LEPR: variants seen among roughly 807,000 people sequenced by gnomAD.
The protein encoded by LEPR is leptin receptor.
LEPR carries 56 observed loss-of-function variants against 114.7 expected under a neutral mutation model. That is an observed-to-expected ratio of 0.49 (90% confidence interval 0.39 to 0.61). The LOEUF (loss-of-function observed/expected upper bound fraction) is 0.61, where lower values mean the gene tolerates loss of function less well. LEPR is among the 20% of genes least tolerant of loss of function. The pLI is 0.00. For synonymous variants in LEPR, 443 were observed against 461.4 expected (o/e 0.96, Z 0.51); for missense variants, 1,202 against 1,352.9 (o/e 0.89, Z 1.75).
At chr1:65,433,123 A>G in intron 2 of LEPR, 9 of 985,286 alleles carry the variant, frequency 9.1e-6, no homozygotes, top group Non-Finnish European at 1.1e-5. Flanking sequence ...ACTCTTTTAC[A>G]TTTCCTTTAT....
chr1:65,550,933 C>T (rs1264599820), intron 2 of LEPR, among the ~76,000 whole-genome samples: 1 of 151,988 alleles, frequency 6.6e-6, no homozygotes, highest in Non-Finnish European at 1.5e-5. Context: ...AGCTGTAGAC[C>T]AGAGCTGTTC....
rs1248259790 is a variant in LEPR at position 65,598,646 on chromosome 1, A to G, written c.850-14A>G. 3.1e-6 allele frequency: 5 copies of G among 1,612,512 alleles called. No homozygotes were observed. Among genetic ancestry groups the G allele is most frequent in the Middle Eastern group, 3.6e-4 (2 of 5,484 alleles). On this transcript the variant is annotated splice_polypyrimidine_tract_variant and intron_variant, in intron 7 of 19. Coordinates refer to ENST00000349533, the MANE Select transcript of LEPR (RefSeq NM_002303.6). ...CAACTTGATGTTCTGATGTTTTAAT[A>G]TAATATTTAACAGGCTGACAAGATT...
intron 2 of LEPR, among the ~76,000 whole-genome samples, chr1:65,551,294 C>G (rs1008888771): frequency 6.6e-6 from 1 of 152,034 alleles, no homozygotes; most frequent in African/African-American, 2.4e-5. Flanking sequence ...GGAATGGTAC[C>G]AGCTCCTCTT....
In LEPR at chr1:65,633,963, T is replaced by A. The variant is rs1203526846; in HGVS notation, c.2674-2228T>A. The stretch of plus-strand genomic sequence containing the variant: ...CTAATCCAGCTTTCTTGTTTAATTA[T>A]GACCTAAATCTAATTTACTTCCACT... On this transcript the variant is annotated intron_variant, in intron 19 of 19. Transcript: ENST00000349533. The surrounding 1 kb of genome is among the most constrained non-coding windows in gnomAD (Gnocchi z 4.1). 5 of 985,298 alleles carry A rather than the reference T, an allele frequency of 5.1e-6. No homozygotes were observed. The East Asian group carries it at 5.7e-4, about 112-fold the overall frequency. The allele number at this position is 985,298 out of a possible 1,614,324, so 61.0% of individuals were successfully genotyped here. A position where few individuals can be genotyped will look rare whatever the true frequency, so the allele number is the denominator to read the frequency against.
rs1405682758 is a variant in LEPR, at chr1:65,601,556, C to T, written c.1159C>T (p.His387Tyr). The change falls in exon 9 of 20, where the codon CAT becomes TAT. Residue 387 changes from histidine (H) to tyrosine (Y), a missense_variant. By Grantham distance (83) the His-to-Tyr change is moderately conservative. Coordinates refer to ENST00000349533, the MANE Select transcript of LEPR (RefSeq NM_002303.6). Reference sequence around the variant, plus strand: ...AAGCCAGTATGATGTTGTGAGTGATCATGTTAGCAAAGTTACTTTTTTCAA... The same window carrying T: ...AAGCCAGTATGATGTTGTGAGTGATTATGTTAGCAAAGTTACTTTTTTCAA... ...PQSQYDVVSDHVSKVTFFNLN... is the reference protein window; with the variant it reads ...PQSQYDVVSDYVSKVTFFNLN... The T allele has an allele frequency of 6.2e-7, 1 of 1,613,634 alleles. No homozygotes were observed. The highest frequency in any genetic ancestry group is 1.3e-5 in the African/African-American group (1 of 74,902).
Position 65,435,734 on chromosome 1 carries a change from G to A in LEPR, c.-21+10356G>A, listed in dbSNP as rs528544358. The A allele has an allele frequency of 1.4e-5, 14 of 985,182 alleles. No individual in the cohort carries two copies. In the South Asian group the frequency reaches 6.1e-4, roughly 43 times the overall value. The allele number at this position is 985,182 out of a possible 1,614,324, so 61.0% of individuals were successfully genotyped here. On this transcript the variant is annotated intron_variant, in intron 2 of 19. Coordinates refer to ENST00000349533, the MANE Select transcript of LEPR (RefSeq NM_002303.6). The stretch of plus-strand genomic sequence containing the variant: ...CCAATAGAACCAAAATATTTATGAG[G>A]ATGCTAGCATTTTCCAAGCATAGTA...
intron 2 of LEPR, among the ~76,000 whole-genome samples, chr1:65,488,193 T>TC (rs1647629596): frequency 4.3e-5 from 1 of 23,050 alleles, no homozygotes; most frequent in Non-Finnish European, 9.7e-5. Context: ...TCTTTCTTTC[T>TC]TTCTTTCTTT....
chr1:65,421,479 C>A (rs1197823670), intron 1 of LEPR: 2 of 1,536,058 alleles, frequency 1.3e-6, no homozygotes, highest in South Asian at 2.4e-5. Context: ...CATTCCATTT[C>A]TAATCTGTCG....
At chr1:65,461,138 C>A (rs908218271) in intron 2 of LEPR, among the ~76,000 whole-genome samples, 4 of 151,456 alleles carry the variant, frequency 2.6e-5, no homozygotes, top group Non-Finnish European at 5.9e-5. Context: ...ACCATGCCTG[C>A]CAAATTTTGT....
chr1:65,424,120 G>A (rs951728625), intron 1 of LEPR, among the ~76,000 whole-genome samples: 3 of 152,112 alleles, frequency 2.0e-5, no homozygotes, highest in Admixed American at 2.0e-4. Flanking sequence ...TCAAGATTTT[G>A]TAACAACCTT....
At chr1:65,501,138 T>G (rs1648430071) in intron 2 of LEPR, among the ~76,000 whole-genome samples, 1 of 152,088 alleles carries the variant, frequency 6.6e-6, no homozygotes, top group Admixed American at 6.6e-5. Flanking sequence ...CTTCTCTTTC[T>G]CAGTCTTCTC....
At chr1:65,554,009 C>T (rs574899750) in intron 2 of LEPR, among the ~76,000 whole-genome samples, 1 of 152,318 alleles carries the variant, frequency 6.6e-6, no homozygotes, top group South Asian at 2.1e-4. Context: ...ACTCCAGACC[C>T]TGTTTGCCTG....
At position 65,602,161 on chromosome 1, in the gene LEPR, A is replaced by G. The variant is rs962470751; in HGVS notation, c.1403+201A>G. 3.9e-5 allele frequency among the ~76,000 whole-genome samples: 6 copies of G among 152,062 alleles called. No homozygotes were observed. The South Asian group carries it at 1.2e-3, about 31-fold the overall frequency. On this transcript the variant is annotated intron_variant, in intron 10 of 19. Coordinates refer to ENST00000349533, the MANE Select transcript of LEPR (RefSeq NM_002303.6). Reference sequence around the variant, plus strand: ...TTCACACCTGAGATTAAAAAATTGTAATTTGTTTTTACTTCAAATTATCTT... The same window carrying G: ...TTCACACCTGAGATTAAAAAATTGTGATTTGTTTTTACTTCAAATTATCTT...
intron 2 of LEPR, among the ~76,000 whole-genome samples, chr1:65,509,526 T>C (rs537393778): frequency 2.6e-4 from 39 of 152,150 alleles, no homozygotes; most frequent in Non-Finnish European, 5.4e-4. Context: ...GTCAAGTACA[T>C]CAAATTTAGA....
chr1:65,484,547 T>C (rs7524834), intron 2 of LEPR, among the ~76,000 whole-genome samples: 49,547 of 152,108 alleles, frequency 0.33, 10,335 homozygotes, highest in Non-Finnish European at 0.47. Context: ...TCAGTTGTTC[T>C]TTTAACACTG....
chr1:65,611,352 G>C lies in LEPR; in HGVS notation c.1995+1056G>C, dbSNP rs932099480. Among the ~76,000 whole-genome samples, 6 of 152,278 alleles carry C rather than the reference G, an allele frequency of 3.9e-5. No individual in the cohort carries two copies. In the East Asian group the frequency reaches 5.8e-4, roughly 15 times the overall value. ...CAGGACCTGTATTCTGAGAGATTGA[G>C]TGGGCGGTTGAACCCACCGCGGAAG... is the stretch of plus-strand genomic sequence containing the variant. On this transcript the variant is annotated intron_variant, in intron 14 of 19. Coordinates refer to ENST00000349533, the MANE Select transcript of LEPR (RefSeq NM_002303.6).
rs1658833778 is a variant in LEPR at position 65,640,632 on chromosome 1, T to C, written c.*3617T>C. The C allele has an allele frequency of 6.6e-6, 1 of 152,206 alleles. No individual in the cohort carries two copies. Among genetic ancestry groups the C allele is most frequent in the South Asian group, 2.1e-4 (1 of 4,838 alleles). 9.4% of individuals were successfully genotyped at this position (152,206 alleles called of 1,614,324 possible). ...AAAGCACACCTGCATCTAATCACAA[T>C]GTTAGGCGAACAACTTAAAACATGA... On this transcript the variant is annotated 3_prime_UTR_variant, in exon 20 of 20. Transcript: ENST00000349533.
intron 2 of LEPR, among the ~76,000 whole-genome samples, chr1:65,473,910 C>A (rs971368325): frequency 6.6e-6 from 1 of 152,146 alleles, no homozygotes; most frequent in Non-Finnish European, 1.5e-5. Flanking sequence ...GTTGTCTAAT[C>A]AATATTACAT....
At chr1:65,623,917 T>C (rs959409944) in intron 19 of LEPR, among the ~76,000 whole-genome samples, 1 of 152,156 alleles carries the variant, frequency 6.6e-6, no homozygotes, top group Non-Finnish European at 1.5e-5. Context: ...TCCTTGTACA[T>C]GAAGATCTTG....
Sources: gnomAD v4.1 joint callset for allele counts (sites outside exome capture counted in the v4.1 genomes callset) on GRCh38, gnomAD v4.1.1 for gene constraint, Gnocchi (gnomAD v3.1) non-coding constraint, MANE v1.5 for transcripts, NCBI Gene and HGNC (gene_info 2026-07-23, HGNC 2026-07-21) for gene names.